The following PSMG4 variants were observed in gnomAD, a reference collection of about 807,000 sequenced individuals.
The protein encoded by PSMG4 is proteasome assembly chaperone 4.
In PSMG4, 10 loss-of-function variants were observed where a neutral mutation model predicts 11.0. The observed-to-expected ratio is 0.91, with a 90% confidence interval of 0.56 to 1.54. The LOEUF is 1.54. PSMG4 is among the 40% of genes most tolerant of loss of function. The pLI is 0.00. For synonymous variants in PSMG4, 95 were observed against 71.3 expected (o/e 1.33, Z -1.68); for missense variants, 198 against 160.9 (o/e 1.23, Z -1.25).
intron 1 of PSMG4, among the ~76,000 whole-genome samples, chr6:3,260,287 A>ATTTTT (rs1429987705): frequency 1.9e-4 from 2 of 10,754 alleles, no homozygotes; most frequent in Admixed American, 1.0e-3. Flanking sequence ...GTATATATAT[A>ATTTTT]TATATTTTTT....
At chr6:3,261,836 A>G (rs1758002785) in intron 1 of PSMG4, among the ~76,000 whole-genome samples, 1 of 152,092 alleles carries the variant, frequency 6.6e-6, no homozygotes, top group South Asian at 2.1e-4. Context: ...GAGCTCTTGT[A>G]CCTTGGTGGC....
intron 2 of PSMG4, chr6:3,265,978 A>G (rs965566903): frequency 1.3e-5 from 2 of 151,168 alleles, no homozygotes; most frequent in African/African-American, 2.4e-5. Context: ...ATGTCATACA[A>G]TTCAGCAGCT....
upstream of PSMG4, among the ~76,000 whole-genome samples, chr6:3,255,442 C>T (rs1256338175): frequency 4.9e-5 from 5 of 103,002 alleles, no homozygotes; most frequent in Admixed American, 1.1e-4. Context: ...CATGCCCCTT[C>T]TCAGACCACC....
chr6:3,255,283 A>T (rs908535239), upstream of PSMG4: 3 of 1,534,946 alleles, frequency 2.0e-6, no homozygotes, highest in Admixed American at 5.9e-5. Flanking sequence ...TTACGGGTCT[A>T]TCGGTGCCCA....
chr6:3,255,369 T>C (rs1166989248), upstream of PSMG4: 2 of 1,427,446 alleles, frequency 1.4e-6, no homozygotes, highest in Non-Finnish European at 1.9e-6. Flanking sequence ...TTTCCTGTGG[T>C]GGATGATGTT....
chr6:3,254,774 G>A (rs79338402), upstream of PSMG4, among the ~76,000 whole-genome samples: 2 of 152,294 alleles, frequency 1.3e-5, no homozygotes, highest in Non-Finnish European at 2.9e-5. Context: ...CTCACCTGTA[G>A]GGTCTGGCTG....
intron 1 of PSMG4, among the ~76,000 whole-genome samples, chr6:3,260,291 A>ATATATATATTTTTT: frequency 4.2e-5 from 3 of 70,842 alleles, no homozygotes; most frequent in African/African-American, 1.1e-4. Flanking sequence ...ATATATATAT[A>ATATATATATTTTTT]TTTTTTTTTT....
chr6:3,263,660 G>C, intron 1 of PSMG4, 24 bp from the exon 2 acceptor site: 1 of 1,522,528 alleles, frequency 6.6e-7, no homozygotes, highest in Non-Finnish European at 8.8e-7. Flanking sequence ...AGAAGCTGCA[G>C]TGTGCCCTTT....
intron 2 of PSMG4, chr6:3,264,360 CAGTG>C: frequency 6.5e-7 from 1 of 1,538,934 alleles, no homozygotes; most frequent in East Asian, 2.4e-5. Flanking sequence ...CCCCCAGCCC[CAGTG>C]CCTGTGGCCA....
upstream of PSMG4, among the ~76,000 whole-genome samples, chr6:3,256,461 A>G (rs150609898): frequency 6.6e-5 from 10 of 152,218 alleles, no homozygotes; most frequent in Non-Finnish European, 1.2e-4. Flanking sequence ...TAACCCTTCA[A>G]ATGTTGCATC....
chr6:3,257,924 T>A (rs1204884369), upstream of PSMG4, among the ~76,000 whole-genome samples: 1 of 152,244 alleles, frequency 6.6e-6, no homozygotes, highest in Non-Finnish European at 1.5e-5. Context: ...TATTGAATCA[T>A]CGATAATTAG....
At chr6:3,261,881 C>T (rs939976093) in intron 1 of PSMG4, among the ~76,000 whole-genome samples, 8 of 152,150 alleles carry the variant, frequency 5.3e-5, no homozygotes, top group Non-Finnish European at 1.0e-4. Context: ...CTTTGTAATC[C>T]ATAAAGCCTG....
intron 1 of PSMG4, among the ~76,000 whole-genome samples, chr6:3,262,548 C>T (rs1758029409): frequency 1.3e-5 from 2 of 152,104 alleles, no homozygotes; most frequent in Non-Finnish European, 2.9e-5. Flanking sequence ...GGCTTTGAAC[C>T]TTTAGGAGAT....
chr6:3,255,238 T>G (rs1250771228), upstream of PSMG4: 1 of 1,549,314 alleles, frequency 6.5e-7, no homozygotes, highest in African/African-American at 1.4e-5. Context: ...TGGTAAGCCT[T>G]CCATGCTGTT....
At chr6:3,256,252 A>T (rs796460314), upstream of PSMG4, among the ~76,000 whole-genome samples, 66 of 152,328 alleles carry the variant, frequency 4.3e-4, no homozygotes, top group African/African-American at 1.6e-3. Context: ...CACAGATCCA[A>T]TGTGGGTGCT....
In PSMG4 at chr6:3,259,206, T is replaced by G; in HGVS notation, c.174+10T>G. On this transcript the variant is annotated intron_variant, in intron 1 of 2. Transcript: ENST00000438998. The stretch of plus-strand genomic sequence containing the variant: ...CATGTGCAGCCGCTACGTGAGTGCC[T>G]GGCGGCCGAGGGTGCGGGCGGCGGG... 7.9e-7 allele frequency: 1 copy of G among 1,260,618 alleles called. No individual in the cohort carries two copies. Among genetic ancestry groups the G allele is most frequent in the South Asian group, 2.8e-5 (1 of 36,314 alleles). The allele number at this position is 1,260,618 out of a possible 1,614,324, so 78.1% of individuals were successfully genotyped here.
Position 3,258,990 on chromosome 6 carries a change from TC to T in PSMG4, c.-32del. The T allele has an allele frequency of 8.1e-7, 1 of 1,238,584 alleles. No individual in the cohort carries two copies. The highest frequency in any genetic ancestry group is 1.0e-6 in the Non-Finnish European group (1 of 990,864). 76.7% of individuals were successfully genotyped at this position (1,238,584 alleles called of 1,614,324 possible). A position where few individuals can be genotyped will look rare whatever the true frequency, so the allele number is the denominator to read the frequency against. On this transcript the variant is annotated 5_prime_UTR_variant, in exon 1 of 3. Transcript: ENST00000438998. ...GGGCTGGCAGCGGCGAGGACCCGGG[TC>T]TGGCGCTGTGGGCCGGGAGCCGTGG...
intron 1 of PSMG4, among the ~76,000 whole-genome samples, chr6:3,260,277 GTATATATA>G (rs70998384): frequency 3.6e-5 from 4 of 111,536 alleles, no homozygotes; most frequent in African/African-American, 1.3e-4. Context: ...GTCTTAAATT[GTATATATA>G]TATATATTTT....
In PSMG4 at chr6:3,259,153, C is replaced by T; in HGVS notation, c.131C>T (p.Thr44Met). 3 of 1,305,962 alleles carry T rather than the reference C, an allele frequency of 2.3e-6. No homozygotes were observed. The highest frequency in any genetic ancestry group is 4.0e-5 in the Admixed American group (1 of 24,776). 80.9% of individuals were successfully genotyped at this position (1,305,962 alleles called of 1,614,324 possible). A position where few individuals can be genotyped will look rare whatever the true frequency, so the allele number is the denominator to read the frequency against. ...TCGCTGTTCCTGTGGGTGGGGGCCA[C>T]GCCGCACCTGCGCAACCTCGCCGTG... ...TDSLFLWVGATPHLRNLAVAM... is the reference protein window; with the variant it reads ...TDSLFLWVGAMPHLRNLAVAM... Residue 44 changes from threonine (T) to methionine (M), a missense_variant, in exon 1 of 3, where the codon ACG (threonine) becomes ATG (methionine). By Grantham distance (81) the Thr-to-Met change is moderately conservative. Transcript: ENST00000438998.
Sources: allele counts gnomAD v4.1 joint callset (sites outside exome capture counted in the v4.1 genomes callset), GRCh38; gene constraint gnomAD v4.1.1; transcripts MANE v1.5; gene names NCBI Gene and HGNC (gene_info 2026-07-23, HGNC 2026-07-21).